Variants in CPA6 observed in about 807,000 individuals in gnomAD.
The protein encoded by CPA6 is carboxypeptidase A6.
In CPA6, 58 loss-of-function variants were observed where a neutral mutation model predicts 63.3. That is an observed-to-expected ratio of 0.92 (90% CI 0.74 to 1.14). The LOEUF is 1.14. CPA6 is among the 50% of genes most tolerant of loss of function. CPA6 has a pLI of 0.00. For synonymous variants in CPA6, 185 were observed against 179.0 expected (o/e 1.03, Z -0.27); for missense variants, 565 against 526.6 (o/e 1.07, Z -0.71).
intron 1 of CPA6, among the ~76,000 whole-genome samples, chr8:67,626,521 T>A (rs956004544): frequency 8.5e-5 from 13 of 152,208 alleles, no homozygotes; most frequent in African/African-American, 2.7e-4. Flanking sequence ...GTCATGAAGT[T>A]CATATTTCTG....
At chr8:67,455,405 T>TA (rs909816441) in intron 8 of CPA6, among the ~76,000 whole-genome samples, 1 of 151,362 alleles carries the variant, frequency 6.6e-6, no homozygotes, top group Non-Finnish European at 1.5e-5. Context: ...ATTACTTAAC[T>TA]AAAAAAAATG....
chr8:67,518,086 TA>T (rs1173060214), intron 2 of CPA6, 39 bp from the exon 3 acceptor site: 12 of 1,493,360 alleles, frequency 8.0e-6, no homozygotes, highest in Non-Finnish European at 1.1e-5. Flanking sequence ...ATATCCAACG[TA>T]GGGGGGGAAA....
At chr8:67,526,282 A>G (rs1812361076) in intron 2 of CPA6, among the ~76,000 whole-genome samples, 1 of 152,300 alleles carries the variant, frequency 6.6e-6, no homozygotes, top group African/African-American at 2.4e-5. Context: ...TGGGTCTAAA[A>G]CTGTAATTGG....
At chr8:67,566,321 C>T (rs1813335654) in intron 2 of CPA6, among the ~76,000 whole-genome samples, 1 of 152,200 alleles carries the variant, frequency 6.6e-6, no homozygotes, top group Non-Finnish European at 1.5e-5. Context: ...ATGGGCATCT[C>T]CTCATAGTGT....
chr8:67,428,087 G>T lies in CPA6; in HGVS notation c.1086C>A (p.Tyr362Ter). 6.2e-7 allele frequency: 1 copy of T among 1,612,982 alleles called. No individual in the cohort carries two copies. Among genetic ancestry groups the T allele is most frequent in the Non-Finnish European group, 8.5e-7 (1 of 1,179,130 alleles). The change falls in exon 10 of 11, where the codon TAC becomes TAA. Residue 362 changes from tyrosine (Y) to a stop codon, truncating the protein, a stop_gained. Transcript: ENST00000297770. LOFTEE classifies it high-confidence loss of function. ...YKAVNALQSV[Y>*]GVRYRYGPAS... ...CTGGTCCATATCTGTATCGTACCCCGTATACTGACTGAAGTGCATTCACAG... is the reference window on the plus strand; with the variant it reads ...CTGGTCCATATCTGTATCGTACCCCTTATACTGACTGAAGTGCATTCACAG...
intron 1 of CPA6, among the ~76,000 whole-genome samples, chr8:67,649,474 T>G (rs1815788235): frequency 6.6e-6 from 1 of 152,222 alleles, no homozygotes; most frequent in African/African-American, 2.4e-5. Flanking sequence ...CTAAAGACTT[T>G]CCATGTACTA....
In CPA6 at chr8:67,518,006, C is replaced by G; in HGVS notation, c.234G>C (p.Glu78Asp). Reference sequence around the variant, plus strand: ...GGATATGGACATCAGTAACTGTTCCCTCTGATACATAGGAGATACTGCTGG... The same window carrying G: ...GGATATGGACATCAGTAACTGTTCCGTCTGATACATAGGAGATACTGCTGG... ...WQPSSISYVS[E>D]GTVTDVHIPQ... Residue 78 changes from glutamate to aspartate, a missense_variant, in exon 3 of 11, where the codon GAG becomes GAC. Glu to Asp is a conservative substitution (Grantham distance 45). Coordinates refer to ENST00000297770, the MANE Select transcript of CPA6 (RefSeq NM_020361.5). The G allele has an allele frequency of 6.2e-7, 1 of 1,612,630 alleles. No individual in the cohort carries two copies. The highest frequency in any genetic ancestry group is 8.5e-7 in the Non-Finnish European group (1 of 1,179,528).
At chr8:67,606,391 T>G (rs1814638928) in intron 2 of CPA6, among the ~76,000 whole-genome samples, 1 of 152,098 alleles carries the variant, frequency 6.6e-6, no homozygotes, top group South Asian at 2.1e-4. Context: ...TGATGACTAG[T>G]CACTATGCTC....
intron 1 of CPA6, among the ~76,000 whole-genome samples, chr8:67,626,024 A>G (rs1815186925): frequency 6.6e-6 from 1 of 151,818 alleles, no homozygotes; most frequent in Admixed American, 6.6e-5. Flanking sequence ...AGTGTATGTC[A>G]CCTCCTTCTT....
intron 1 of CPA6, among the ~76,000 whole-genome samples, chr8:67,714,724 T>C (rs144833726): frequency 6.6e-6 from 1 of 152,128 alleles, no homozygotes; most frequent in African/African-American, 2.4e-5. Context: ...GCTCTCTCAG[T>C]TGTTTTATTG....
chr8:67,668,539 T>G lies in CPA6; in HGVS notation c.117-44288A>C, dbSNP rs936163386. Among the ~76,000 whole-genome samples the G allele has an allele frequency of 2.0e-5, 3 of 152,220 alleles. No homozygotes were observed. In the East Asian group the frequency reaches 5.8e-4, roughly 29 times the overall value. On this transcript the variant is annotated intron_variant, in intron 1 of 10. Coordinates refer to ENST00000297770, the MANE Select transcript of CPA6 (RefSeq NM_020361.5). The stretch of plus-strand genomic sequence containing the variant: ...AGTTTAATAGCTGCTCTCCAGTTAC[T>G]TATTTCAAAATTAATATATCTCAAT...
At chr8:67,519,481 G>A (rs190794901) in intron 2 of CPA6, among the ~76,000 whole-genome samples, 3 of 152,302 alleles carry the variant, frequency 2.0e-5, no homozygotes, top group East Asian at 3.9e-4. Flanking sequence ...CCTGCATTCT[G>A]TTAGGAACTC....
At chr8:67,581,843 C>T (rs1389313371) in intron 2 of CPA6, among the ~76,000 whole-genome samples, 1 of 152,182 alleles carries the variant, frequency 6.6e-6, no homozygotes, top group East Asian at 1.9e-4. Flanking sequence ...AACATAAGGG[C>T]CAGTATGTCT....
chr8:67,725,465 A>C (rs939715375), intron 1 of CPA6, among the ~76,000 whole-genome samples: 3 of 152,198 alleles, frequency 2.0e-5, no homozygotes, highest in African/African-American at 7.2e-5. Flanking sequence ...AAGCAACTTC[A>C]ATCTCCATAG....
At chr8:67,606,308 G>A (rs111686788) in intron 2 of CPA6, among the ~76,000 whole-genome samples, 3 of 151,890 alleles carry the variant, frequency 2.0e-5, no homozygotes, top group African/African-American at 7.2e-5. Flanking sequence ...TTGTGCACAT[G>A]TGCCCTAAAA....
intron 1 of CPA6, among the ~76,000 whole-genome samples, chr8:67,723,708 T>C (rs933965286): frequency 6.6e-6 from 1 of 152,178 alleles, no homozygotes; most frequent in African/African-American, 2.4e-5. Context: ...TAAATGGCCC[T>C]CTAGGATAAA....
At chr8:67,669,795 CA>C (rs11294793) in intron 1 of CPA6, among the ~76,000 whole-genome samples, 33,993 of 139,666 alleles carry the variant, frequency 0.24, 6,571 homozygotes, top group African/African-American at 0.55. Context: ...TATCTAAAGA[CA>C]AAAAAAAAAA....
chr8:67,662,558 G>A (rs1816139819), intron 1 of CPA6, among the ~76,000 whole-genome samples: 1 of 138,726 alleles, frequency 7.2e-6, no homozygotes, highest in Admixed American at 7.1e-5. Context: ...ACACGTATAT[G>A]TATATATAGA....
At chr8:67,632,597 C>G (rs1815367827) in intron 1 of CPA6, among the ~76,000 whole-genome samples, 1 of 152,178 alleles carries the variant, frequency 6.6e-6, no homozygotes, top group Non-Finnish European at 1.5e-5. Flanking sequence ...CAGGTATGAG[C>G]CACTGCACCA....
Sources: gnomAD v4.1 joint callset for allele counts (sites outside exome capture counted in the v4.1 genomes callset) on GRCh38, gnomAD v4.1.1 for gene constraint, MANE v1.5 for transcripts, NCBI Gene and HGNC (gene_info 2026-07-23, HGNC 2026-07-21) for gene names.